HOMER2: variants seen among roughly 807,000 people sequenced by gnomAD.
The protein encoded by HOMER2 is homer scaffold protein 2.
HOMER2 carries 27 observed loss-of-function variants against 47.0 expected under a neutral mutation model. The observed-to-expected ratio is 0.57, with a 90% CI of 0.42 to 0.79. HOMER2 has a LOEUF of 0.79. Ranked by LOEUF, HOMER2 falls within the 30% of genes least tolerant of loss-of-function variation. The probability of loss-of-function intolerance (pLI) is 0.00; values close to 1 mark genes in which losing one functional copy is unlikely to be tolerated. For synonymous variants in HOMER2, 161 were observed against 163.8 expected, an observed-to-expected ratio of 0.98 and a Z score of 0.13; for missense variants, 443 against 435.0, an observed-to-expected ratio of 1.02 and a Z score of -0.16.
chr15:82,961,381 T>C (rs964139946), intron 1 of HOMER2, among the ~76,000 whole-genome samples: 5 of 152,266 alleles, frequency 3.3e-5, no homozygotes, highest in Non-Finnish European at 1.5e-5. Flanking sequence ...CCCCTCCTTT[T>C]AGAAATTTGC....
chr15:82,928,608 A>G (rs1485464957), intron 1 of HOMER2, among the ~76,000 whole-genome samples: 3 of 152,190 alleles, frequency 2.0e-5, no homozygotes, highest in Non-Finnish European at 4.4e-5. Context: ...CTTCTTCATC[A>G]AGCTGCATTC....
Position 82,892,718 on chromosome 15 carries a change from G to C in HOMER2, c.129C>G (p.Asn43Lys), listed in dbSNP as rs199855553. The C allele has an allele frequency of 1.9e-6, 3 of 1,602,222 alleles. No homozygotes were observed. Among genetic ancestry groups the C allele is most frequent in the East Asian group, 2.2e-5 (1 of 44,788 alleles). Reference sequence around the variant, plus strand: ...CGTCCACACTGATGATCCGATAGCTGTTCCTTGTGACATCATAGAAGTAGG... The same window carrying C: ...CGTCCACACTGATGATCCGATAGCTCTTCCTTGTGACATCATAGAAGTAGG... ...TVSYFYDVTR[N>K]SYRIISVDGA... The change falls in exon 2 of 9, where the codon AAC becomes AAG. Residue 43 changes from asparagine (N) to lysine (K), a missense_variant. Transcript: ENST00000450735.
At position 82,849,628 on chromosome 15, in the gene HOMER2, G is replaced by A; in HGVS notation, c.*87C>T. ...ACAAACTGCGCCTGCATTTACAGAA[G>A]CAATGCACACAGAAGAACGTCCTAG... On this transcript the variant is annotated 3_prime_UTR_variant, in exon 9 of 9. Coordinates refer to ENST00000450735, the MANE Select transcript of HOMER2 (RefSeq NM_004839.4). The A allele has an allele frequency of 8.7e-7, 1 of 1,150,456 alleles. No individual in the cohort carries two copies. Among genetic ancestry groups the A allele is most frequent in the Non-Finnish European group, 1.2e-6 (1 of 820,842 alleles). 71.3% of individuals were successfully genotyped at this position (1,150,456 alleles called of 1,614,324 possible). A position where few individuals can be genotyped will look rare whatever the true frequency, so the allele number is the denominator to read the frequency against.
chr15:82,948,208 G>A (rs925778814), intron 1 of HOMER2, among the ~76,000 whole-genome samples: 1 of 152,058 alleles, frequency 6.6e-6, no homozygotes. Flanking sequence ...TGGCTAACAC[G>A]ATGAAACCCC....
intron 1 of HOMER2, among the ~76,000 whole-genome samples, chr15:82,975,549 G>A (rs1218741940): frequency 6.6e-6 from 1 of 152,190 alleles, no homozygotes; most frequent in Non-Finnish European, 1.5e-5. Context: ...ATGAGGTCCT[G>A]TCATTTGCAA....
exon 2 of HOMER2, chr15:82,843,824 C>T (rs1287753827): frequency 6.6e-6 from 1 of 152,170 alleles, no homozygotes; most frequent in Non-Finnish European, 1.5e-5. Flanking sequence ...TGAGGCAATA[C>T]ATATTACAAG....
At chr15:82,957,051 T>C (rs2054593771), upstream of HOMER2, among the ~76,000 whole-genome samples, 1 of 152,078 alleles carries the variant, frequency 6.6e-6, no homozygotes, top group African/African-American at 2.4e-5. Context: ...CTGAGCCGGG[T>C]AGATCACCTG....
At chr15:82,840,477 T>G (rs541429530) in exon 2 of HOMER2, 1 of 151,790 alleles carries the variant, frequency 6.6e-6, no homozygotes, top group African/African-American at 2.4e-5. Flanking sequence ...TTAAAAAAAA[T>G]TTTTTTTTGA....
chr15:82,929,162 T>A (rs981770780), intron 1 of HOMER2, among the ~76,000 whole-genome samples: 1 of 152,054 alleles, frequency 6.6e-6, no homozygotes, highest in Admixed American at 6.6e-5. Flanking sequence ...TTAACTTATT[T>A]GAGATTTAGA....
intron 1 of HOMER2, among the ~76,000 whole-genome samples, chr15:82,976,882 C>A (rs1458839720): frequency 6.7e-6 from 1 of 148,836 alleles, no homozygotes; most frequent in African/African-American, 2.5e-5. Flanking sequence ...CACCATGTTG[C>A]CCAGGCTGGT....
intron 1 of HOMER2, among the ~76,000 whole-genome samples, chr15:82,977,612 G>A (rs1269132156): frequency 6.6e-6 from 1 of 152,166 alleles, no homozygotes; most frequent in East Asian, 1.9e-4. Context: ...CCTGATGTGT[G>A]TCAGCCTCAG....
rs568703727 is a variant in HOMER2, at chr15:82,871,680, C to T, written c.294+3593G>A. On this transcript the variant is annotated intron_variant, in intron 3 of 8. Transcript: ENST00000450735. ...CAGAACTCCAGCACTGCACCAGAGG[C>T]TGAGTGGCTTGGCAGGACGGTGCAC... Among the ~76,000 whole-genome samples the T allele has an allele frequency of 2.0e-5, 3 of 152,294 alleles. No individual in the cohort carries two copies. In the South Asian group the frequency reaches 6.2e-4, roughly 32 times the overall value.
intron 1 of HOMER2, among the ~76,000 whole-genome samples, chr15:82,964,268 G>A (rs1045261471): frequency 4.6e-5 from 7 of 152,166 alleles, no homozygotes; most frequent in Non-Finnish European, 4.4e-5. Flanking sequence ...CTGCTCCAGC[G>A]CGTCCCCCTG....
rs926297410 is a variant in HOMER2, at chr15:82,916,143, CA to C, written c.6-23303del. On this transcript the variant is annotated intron_variant, in intron 1 of 8. Transcript: ENST00000450735. ...TTGAAACTTCTTGCCTCAGAGGAAA[CA>C]AAATAATGGGGGGAAACAAAGAATT... Among the ~76,000 whole-genome samples the C allele has an allele frequency of 3.1e-4, 47 of 152,058 alleles. 2 individuals carry two copies. The highest frequency in any genetic ancestry group is 3.2e-3 in the Middle Eastern group (1 of 314).
intron 2 of HOMER2, among the ~76,000 whole-genome samples, chr15:82,878,266 A>G (rs1217822743): frequency 6.6e-6 from 1 of 152,166 alleles, no homozygotes; most frequent in East Asian, 1.9e-4. Flanking sequence ...GTCAAGCTAG[A>G]ATAACAATGG....
chr15:82,947,939 G>A (rs2054418304), intron 1 of HOMER2, among the ~76,000 whole-genome samples: 1 of 152,192 alleles, frequency 6.6e-6, no homozygotes, highest in African/African-American at 2.4e-5. Flanking sequence ...ACACCTGCAT[G>A]CTTACTGGCA....
intron 1 of HOMER2, among the ~76,000 whole-genome samples, chr15:82,937,021 G>GT (rs1257560227): frequency 6.6e-6 from 1 of 152,202 alleles, no homozygotes; most frequent in Non-Finnish European, 1.5e-5. Flanking sequence ...ATTAGGTTGG[G>GT]TTAGGTTATA....
chr15:82,955,865 A>C (rs996653588), upstream of HOMER2, among the ~76,000 whole-genome samples: 1 of 152,200 alleles, frequency 6.6e-6, no homozygotes, highest in African/African-American at 2.4e-5. Flanking sequence ...ACAAATATAT[A>C]AGCTACGATC....
chr15:82,868,611 C>T (rs1338110620), intron 3 of HOMER2, among the ~76,000 whole-genome samples: 3 of 136,886 alleles, frequency 2.2e-5, no homozygotes, highest in Admixed American at 8.0e-5. Flanking sequence ...TGCAGTGGTA[C>T]GATCTTGGCT....
Sources: allele counts gnomAD v4.1 joint callset (sites outside exome capture counted in the v4.1 genomes callset), GRCh38; gene constraint gnomAD v4.1.1; transcripts MANE v1.5; gene names NCBI Gene and HGNC (gene_info 2026-07-23, HGNC 2026-07-21).